The following CADM1 variants were observed in gnomAD, a reference collection of about 807,000 sequenced individuals.
CADM1 encodes cell adhesion molecule 1.
In CADM1, 15 loss-of-function variants were observed where a neutral mutation model predicts 53.1. The observed-to-expected ratio is 0.28, with a 90% CI of 0.19 to 0.44. The LOEUF (loss-of-function observed/expected upper bound fraction) is 0.44, where lower values mean the gene tolerates loss of function less well. Among genes scored for constraint, CADM1 ranks in the 20% least tolerant of loss-of-function variants. The probability of loss-of-function intolerance (pLI) is 1.00; values close to 1 mark genes in which losing one functional copy is unlikely to be tolerated. For synonymous variants in CADM1, 281 were observed against 243.0 expected (o/e 1.16, Z -1.45); for missense variants, 434 against 611.3 (o/e 0.71, Z 3.06).
At chr11:115,475,204 G>A (rs1032561190) in intron 1 of CADM1, among the ~76,000 whole-genome samples, 14 of 151,892 alleles carry the variant, frequency 9.2e-5, no homozygotes, top group East Asian at 3.9e-4. Flanking sequence ...CTAATAGAAC[G>A]TAAATGCTAT....
At chr11:115,411,964 A>G (rs1235194073) in intron 1 of CADM1, among the ~76,000 whole-genome samples, 1 of 152,196 alleles carries the variant, frequency 6.6e-6, no homozygotes, top group Non-Finnish European at 1.5e-5. Context: ...CTAAAAACAG[A>G]AATTTTTACA....
intron 1 of CADM1, among the ~76,000 whole-genome samples, chr11:115,295,923 C>G (rs964256041): frequency 6.6e-6 from 1 of 152,070 alleles, no homozygotes; most frequent in Non-Finnish European, 1.5e-5. Context: ...TTAAGGGCTC[C>G]GCCTTTCATA....
intron 1 of CADM1, among the ~76,000 whole-genome samples, chr11:115,502,880 A>C (rs545505492): frequency 6.6e-6 from 1 of 152,258 alleles, no homozygotes; most frequent in South Asian, 2.1e-4. Context: ...CTGAAGCAGC[A>C]CCGTGGCCCC....
chr11:115,386,780 G>A (rs1844708844), intron 1 of CADM1, among the ~76,000 whole-genome samples: 1 of 152,174 alleles, frequency 6.6e-6, no homozygotes, highest in African/African-American at 2.4e-5. Flanking sequence ...TGGGAATTAA[G>A]TTTCAACATG....
Position 115,176,414 on chromosome 11 carries a change from CTG to C in CADM1, c.*58_*59del. The C allele has an allele frequency of 6.2e-7, 1 of 1,607,400 alleles. No homozygotes were observed. The highest frequency in any genetic ancestry group is 8.5e-7 in the Non-Finnish European group (1 of 1,175,818). ...GAATTTCTCGCAAGTTCCAATATCA[CTG>C]TCTCTTTATCATCTAAATAGGGCCA... On this transcript the variant is annotated 3_prime_UTR_variant, in exon 12 of 12. Transcript: ENST00000331581.
At chr11:115,217,068 T>C (rs1024775428) in intron 6 of CADM1, among the ~76,000 whole-genome samples, 1 of 152,212 alleles carries the variant, frequency 6.6e-6, no homozygotes, top group African/African-American at 2.4e-5. Flanking sequence ...TTCCATTTCA[T>C]GAATCCTCAA....
intron 9 of CADM1, among the ~76,000 whole-genome samples, chr11:115,192,390 T>G (rs935316572): frequency 6.6e-6 from 1 of 152,238 alleles, no homozygotes; most frequent in Non-Finnish European, 1.5e-5. Flanking sequence ...GGGAAAGCAG[T>G]GAGCAATGCA....
chr11:115,354,427 T>C (rs1009403459), intron 1 of CADM1, among the ~76,000 whole-genome samples: 5 of 152,140 alleles, frequency 3.3e-5, no homozygotes, highest in Non-Finnish European at 7.4e-5. Flanking sequence ...CACATAACCC[T>C]GATATTCTTA....
At chr11:115,334,379 G>GT (rs1389432365) in intron 1 of CADM1, among the ~76,000 whole-genome samples, 1 of 151,942 alleles carries the variant, frequency 6.6e-6, no homozygotes. Flanking sequence ...TGATACAGTA[G>GT]TCCCCCCCTT....
At chr11:115,232,658 G>A (rs1941862756) in intron 3 of CADM1, among the ~76,000 whole-genome samples, 1 of 152,050 alleles carries the variant, frequency 6.6e-6, no homozygotes, top group Non-Finnish European at 1.5e-5. Context: ...TGATAGTGAT[G>A]GTGACAATGA....
At chr11:115,206,758 C>CTTTGTTTTTTTTTTTT (rs1940707028) in intron 8 of CADM1, among the ~76,000 whole-genome samples, 1 of 38,206 alleles carries the variant, frequency 2.6e-5, no homozygotes, top group African/African-American at 9.7e-5. Context: ...CTGTGGACTT[C>CTTTGTTTTTTTTTTTT]TTTTTTTTTT....
At chr11:115,381,129 T>C (rs577087477) in intron 1 of CADM1, among the ~76,000 whole-genome samples, 1 of 151,814 alleles carries the variant, frequency 6.6e-6, no homozygotes, top group Non-Finnish European at 1.5e-5. Context: ...ACCCCATCTC[T>C]ACTAAAAATA....
At chr11:115,401,599 T>C (rs220830) in intron 1 of CADM1, among the ~76,000 whole-genome samples, 54,405 of 151,142 alleles carry the variant, frequency 0.36, 10,404 homozygotes, top group Non-Finnish European at 0.44. Flanking sequence ...CAGAGCAAGA[T>C]TCCATCTCAG....
At chr11:115,368,875 T>G (rs950983687) in intron 1 of CADM1, among the ~76,000 whole-genome samples, 7 of 151,952 alleles carry the variant, frequency 4.6e-5, no homozygotes, top group African/African-American at 1.7e-4. Flanking sequence ...TAATGTGTCT[T>G]GTACTACTAA....
At chr11:115,495,049 C>A (rs1949580154) in intron 1 of CADM1, among the ~76,000 whole-genome samples, 1 of 152,156 alleles carries the variant, frequency 6.6e-6, no homozygotes, top group South Asian at 2.1e-4. Flanking sequence ...TATGTACGTA[C>A]AAGGAAAAGT....
chr11:115,432,767 A>G (rs1948088619), intron 1 of CADM1, among the ~76,000 whole-genome samples: 1 of 152,214 alleles, frequency 6.6e-6, no homozygotes, highest in Non-Finnish European at 1.5e-5. Flanking sequence ...CTTTAGACAA[A>G]TGCAACATAC....
chr11:115,481,435 ATCT>A lies in CADM1; in HGVS notation c.124+22833_124+22835del, dbSNP rs1257284040. Among the ~76,000 whole-genome samples the A allele has an allele frequency of 7.2e-5, 11 of 152,184 alleles. No homozygotes were observed. In the East Asian group the frequency reaches 1.5e-3, roughly 21 times the overall value. ...CCTTCTTCACTCCTCTCACTAGTTCATCTTCTTCTGCCTACCTTTAATTGTTGA... is the reference window on the plus strand; with the variant it reads ...CCTTCTTCACTCCTCTCACTAGTTCATCTTCTGCCTACCTTTAATTGTTGA... On this transcript the variant is annotated intron_variant, in intron 1 of 11. Coordinates refer to ENST00000331581, the MANE Select transcript of CADM1 (RefSeq NM_001301043.2).
intron 1 of CADM1, among the ~76,000 whole-genome samples, chr11:115,429,645 C>T (rs1403017231): frequency 6.6e-6 from 1 of 150,924 alleles, no homozygotes; most frequent in Non-Finnish European, 1.5e-5. Context: ...TGAAATCAAA[C>T]ATTGTTTTTC....
intron 1 of CADM1, among the ~76,000 whole-genome samples, chr11:115,462,299 C>T (rs991713386): frequency 1.3e-5 from 2 of 152,180 alleles, no homozygotes; most frequent in African/African-American, 4.8e-5. Context: ...AAATGAATGG[C>T]TGAAAAGCAG....
Sources: gnomAD v4.1 joint callset for allele counts (sites outside exome capture counted in the v4.1 genomes callset) on GRCh38, gnomAD v4.1.1 for gene constraint, MANE v1.5 for transcripts, NCBI Gene and HGNC (gene_info 2026-07-23, HGNC 2026-07-21) for gene names.